Variants in ELN observed in about 807,000 individuals in gnomAD.
ELN encodes the protein tropoelastin.
ELN carries 65 observed loss-of-function variants against 105.8 expected under a neutral mutation model. The observed-to-expected ratio is 0.61, with a 90% CI of 0.50 to 0.75. The LOEUF (loss-of-function observed/expected upper bound fraction) is 0.75, where lower values mean the gene tolerates loss of function less well. Ranked by LOEUF, ELN falls within the 30% of genes least tolerant of loss-of-function variation. ELN has a pLI of 0.00. For synonymous variants in ELN, 368 were observed against 389.2 expected (o/e 0.95, Z 0.64); for missense variants, 882 against 969.4 (o/e 0.91, Z 1.20).
intron 1 of ELN, among the ~76,000 whole-genome samples, chr7:74,030,701 T>C (rs1425683994): frequency 1.3e-5 from 2 of 152,058 alleles, no homozygotes; most frequent in Non-Finnish European, 2.9e-5. Context: ...TCTTTTTAAA[T>C]ATTTTTTTAA....
chr7:74,066,540 C>T (rs948527789), intron 31 of ELN, among the ~76,000 whole-genome samples, 192 bp from the exon 32 acceptor site: 1 of 152,034 alleles, frequency 6.6e-6, no homozygotes, highest in Non-Finnish European at 1.5e-5. Flanking sequence ...GCACTCCAGC[C>T]TGGGTGACAG....
chr7:74,044,132 T>A (rs1475776075), intron 9 of ELN, among the ~76,000 whole-genome samples: 1 of 152,044 alleles, frequency 6.6e-6, no homozygotes, highest in Non-Finnish European at 1.5e-5. Context: ...TCCCAGCTAC[T>A]CGGGAGGCTG....
rs1554680199 is a variant in ELN, at chr7:74,056,725, T to C, written c.1357+12T>C. On this transcript the variant is annotated intron_variant, in intron 21 of 32. Coordinates refer to ENST00000252034, the MANE Select transcript of ELN (RefSeq NM_000501.4). ...GGCTGCCAAGTACGGTAAGTGCCCC[T>C]GCCCTGCCTGTCCCCAAGTCCTGCT... The C allele has an allele frequency of 6.2e-7, 1 of 1,613,772 alleles. No individual in the cohort carries two copies. The highest frequency in any genetic ancestry group is 1.1e-5 in the South Asian group (1 of 91,082).
chr7:74,056,835 G>C (rs1173479802), intron 21 of ELN, 122 bp downstream of exon 21: 1 of 1,264,370 alleles, frequency 7.9e-7, no homozygotes, highest in East Asian at 2.4e-5. Context: ...AGGTCACGAG[G>C]CCCCTGCCCC....
In ELN at chr7:74,061,521, G is replaced by A. The variant is rs185606023; in HGVS notation, c.1786+382G>A. 3.8e-4 allele frequency among the ~76,000 whole-genome samples: 58 copies of A among 152,056 alleles called. 2 individuals carry two copies. Among genetic ancestry groups the A allele is most frequent in the South Asian group, 2.1e-3 (10 of 4,818 alleles). On this transcript the variant is annotated intron_variant, in intron 26 of 32. Coordinates refer to ENST00000252034, the MANE Select transcript of ELN (RefSeq NM_000501.4). ...ACAAAAATTAGCCAGGTGTGGTGGC[G>A]GGCACCTGTAATCCCAGCTACTCGG...
chr7:74,042,920 GC>G lies in ELN; in HGVS notation c.326-60del, dbSNP rs1364518852. Reference sequence around the variant, plus strand: ...CTCAATGCTGGGCCCTCAGCATGCAGCCCCGGGCCCTTCTGCCTCCCCACTG... The same window carrying G: ...CTCAATGCTGGGCCCTCAGCATGCAGCCCGGGCCCTTCTGCCTCCCCACTG... On this transcript the variant is annotated intron_variant, in intron 6 of 32. Coordinates refer to ENST00000252034, the MANE Select transcript of ELN (RefSeq NM_000501.4). The G allele has an allele frequency of 2.5e-6, 4 of 1,613,488 alleles. No individual in the cohort carries two copies. In the African/African-American group the frequency reaches 5.3e-5, roughly 22 times the overall value.
intron 9 of ELN, 85 bp downstream of exon 9, chr7:74,044,005 G>T: frequency 6.4e-7 from 1 of 1,558,488 alleles, no homozygotes; most frequent in South Asian, 1.1e-5. Flanking sequence ...CATTGCTTTG[G>T]GAGACTGAGG....
rs1210312417 is a variant in ELN, at chr7:74,066,604, T to C, written c.2087-128T>C. 8.7e-6 allele frequency: 6 copies of C among 692,656 alleles called. No homozygotes were observed. In the African/African-American group the frequency reaches 9.2e-5, roughly 11 times the overall value. 42.9% of individuals were successfully genotyped at this position (692,656 alleles called of 1,614,324 possible). A position where few individuals can be genotyped will look rare whatever the true frequency, so the allele number is the denominator to read the frequency against. On this transcript the variant is annotated intron_variant, in intron 31 of 32. Coordinates refer to ENST00000252034, the MANE Select transcript of ELN (RefSeq NM_000501.4). ...ATAAAATAAAATATAAAAAATTATA[T>C]AGTGGGGGGGATGGAGAGGAGGTGA...
chr7:74,051,671 G>A (rs1027435955), intron 15 of ELN, 79 bp from the exon 16 acceptor site: 4 of 1,537,766 alleles, frequency 2.6e-6, no homozygotes, highest in Admixed American at 3.5e-5. Flanking sequence ...TGGTGAAAAC[G>A]CCGGCGTCTA....
chr7:74,068,541 A>G, intron 32 of ELN, 116 bp from the exon 33 acceptor site: 1 of 1,300,796 alleles, frequency 7.7e-7, no homozygotes, highest in Non-Finnish European at 1.1e-6. Flanking sequence ...TGGGGCCATG[A>G]CTTGGCTTCT....
Position 74,056,305 on chromosome 7 carries a change from T to C in ELN, c.1185T>C (p.Pro395=). The change falls in exon 20 of 33, where the codon CCT becomes CCC. Residue 395 remains proline (P), a synonymous_variant. Transcript: ENST00000252034. ...ARPGVGVGGI[P]TYGVGAGGFP... ...CCGGAGTCGGAGTTGGAGGCATTCC[T>C]ACTTACGGGGTTGGAGCTGGGGGCT... The C allele has an allele frequency of 6.2e-7, 1 of 1,612,854 alleles. No homozygotes were observed. The highest frequency in any genetic ancestry group is 8.5e-7 in the Non-Finnish European group (1 of 1,178,892).
Position 74,068,990 on chromosome 7 carries a change from G to C in ELN, c.*290G>C, listed in dbSNP as rs1389300922. On this transcript the variant is annotated 3_prime_UTR_variant, in exon 33 of 33. Coordinates refer to ENST00000252034, the MANE Select transcript of ELN (RefSeq NM_000501.4). The stretch of plus-strand genomic sequence containing the variant: ...CCCTCCACACAGCCTCCATCTCCAG[G>C]GGAACTTGGTGCTACACGCTGGTGC... The C allele has an allele frequency of 2.0e-6, 1 of 511,770 alleles. No individual in the cohort carries two copies. Among genetic ancestry groups the C allele is most frequent in the Non-Finnish European group, 3.6e-6 (1 of 279,812 alleles). 31.7% of individuals were successfully genotyped at this position (511,770 alleles called of 1,614,324 possible). A position where few individuals can be genotyped will look rare whatever the true frequency, so the allele number is the denominator to read the frequency against.
intron 20 of ELN, 47 bp downstream of exon 20, chr7:74,056,482 G>T: frequency 2.5e-6 from 4 of 1,611,612 alleles, no homozygotes; most frequent in Non-Finnish European, 2.5e-6. Flanking sequence ...AGGGATGGGG[G>T]CTTCTTGTCT....
chr7:74,032,059 A>T (rs1412211459), intron 1 of ELN, among the ~76,000 whole-genome samples: 5 of 151,954 alleles, frequency 3.3e-5, no homozygotes, highest in Admixed American at 3.3e-4. Context: ...GGAGGTGGTG[A>T]TTTTCCCATC....
rs2131999340 is a variant in ELN at position 74,054,767 on chromosome 7, A to G, written c.1148A>G (p.Tyr383Cys). The G allele has an allele frequency of 6.2e-7, 1 of 1,614,132 alleles. No individual in the cohort carries two copies. The highest frequency in any genetic ancestry group is 1.1e-5 in the South Asian group (1 of 91,068). ...AAGGCAGCTGCAAAGGCAGCCAAATACGGTGAGTGCTATGCTGACAGCTCT... is the reference window on the plus strand; with the variant it reads ...AAGGCAGCTGCAAAGGCAGCCAAATGCGGTGAGTGCTATGCTGACAGCTCT... The part of the protein sequence containing the change: ...AAKAAAKAAK[Y>C]GARPGVGVGG... Residue 383 changes from tyrosine (Y) to cysteine (C), a missense_variant and splice_region_variant, in exon 19 of 33, where the codon TAC becomes TGC. Transcript: ENST00000252034.
At chr7:74,042,154 T>C (rs1484381921) in intron 5 of ELN, among the ~76,000 whole-genome samples, 1 of 150,538 alleles carries the variant, frequency 6.6e-6, no homozygotes, top group Non-Finnish European at 1.5e-5. Flanking sequence ...GCGCGGTGGC[T>C]CACGCCTGTA....
chr7:74,036,436 A>C (rs782607641), intron 2 of ELN, 119 bp from the exon 3 acceptor site: 34 of 1,314,132 alleles, frequency 2.6e-5, no homozygotes, highest in Non-Finnish European at 3.5e-5. Flanking sequence ...TGCAGAGAGC[A>C]GGTCTTGCCC....
Position 74,069,145 on chromosome 7 carries a change from G to T in ELN, c.*445G>T, listed in dbSNP as rs975773272. 1 of 287,500 alleles carries T rather than the reference G, an allele frequency of 3.5e-6. No homozygotes were observed. Among genetic ancestry groups the T allele is most frequent in the Non-Finnish European group, 6.7e-6 (1 of 149,848 alleles). The allele number at this position is 287,500 out of a possible 1,614,324, so 17.8% of individuals were successfully genotyped here. A position where few individuals can be genotyped will look rare whatever the true frequency, so the allele number is the denominator to read the frequency against. On this transcript the variant is annotated 3_prime_UTR_variant, in exon 33 of 33. Coordinates refer to ENST00000252034, the MANE Select transcript of ELN (RefSeq NM_000501.4). Reference sequence around the variant, plus strand: ...CTCCCCCTGCCCACCAGGACCCACCGTTGGCTGCCATCCAGTTGGTACCCA... The same window carrying T: ...CTCCCCCTGCCCACCAGGACCCACCTTTGGCTGCCATCCAGTTGGTACCCA...
At chr7:74,038,636 G>A (rs1790498854) in intron 4 of ELN, among the ~76,000 whole-genome samples, 2 of 152,196 alleles carry the variant, frequency 1.3e-5, no homozygotes, top group African/African-American at 4.8e-5. Flanking sequence ...TGTCCAGATT[G>A]ATGGTCCCTC....
Sources: allele counts gnomAD v4.1 joint callset (sites outside exome capture counted in the v4.1 genomes callset), GRCh38; gene constraint gnomAD v4.1.1; transcripts MANE v1.5; gene names NCBI Gene and HGNC (gene_info 2026-07-23, HGNC 2026-07-21).